UNC79: variants seen among roughly 807,000 people sequenced by gnomAD.
UNC79 encodes protein unc-79 homolog.
Under a neutral mutation model 283.1 loss-of-function variants are expected in UNC79, and 37 were observed. The ratio of observed to expected loss-of-function variants is 0.13; its 90% CI spans 0.10 to 0.17. UNC79 has a LOEUF of 0.17. Among genes scored for constraint, UNC79 ranks in the 10% least tolerant of loss-of-function variants. UNC79 has a pLI of 1.00. For missense variants in UNC79, 2,272 were observed against 3,211.1 expected (o/e 0.71, Z 7.07); for synonymous variants, 1,107 against 1,200.2 (o/e 0.92, Z 1.61).
rs570758518 is a variant in UNC79, at chr14:93,340,410, C to G, written c.-351+6887C>G. ...TGAGCAGAGATTGCGCCACTGCACT[C>G]TAGCCTGGGCGACAGAGCAAAACGC... is the stretch of plus-strand genomic sequence containing the variant. On this transcript the variant is annotated intron_variant, in intron 1 of 49. Transcript: ENST00000256339. 1.0e-3 allele frequency among the ~76,000 whole-genome samples: 140 copies of G among 140,042 alleles called. 2 individuals carry two copies. Among genetic ancestry groups the G allele is most frequent in the Non-Finnish European group, 1.7e-3 (110 of 66,464 alleles). 91.9% of individuals were successfully genotyped at this position (140,042 alleles called of 152,430 possible).
intron 1 of UNC79, among the ~76,000 whole-genome samples, chr14:93,333,863 A>C (rs2053513177): frequency 1.3e-5 from 2 of 152,230 alleles, no homozygotes; most frequent in African/African-American, 4.8e-5. Flanking sequence ...GCTGTTTTAC[A>C]ACCAAGGAGA....
intron 1 of UNC79, among the ~76,000 whole-genome samples, chr14:93,408,879 G>A (rs141599963): frequency 1.3e-5 from 2 of 152,220 alleles, no homozygotes; most frequent in East Asian, 3.9e-4. Context: ...ATTTTAAAAT[G>A]CAATAAAACT....
chr14:93,607,952 G>A (rs2066003216), intron 26 of UNC79, among the ~76,000 whole-genome samples: 1 of 152,194 alleles, frequency 6.6e-6, no homozygotes, highest in South Asian at 2.1e-4. Flanking sequence ...GTAAGTCAGA[G>A]TACAGTTGTT....
chr14:93,604,831 G>A, intron 26 of UNC79, 65 bp from the exon 27 acceptor site: 1 of 1,464,810 alleles, frequency 6.8e-7, no homozygotes, highest in East Asian at 2.5e-5. Context: ...TTAGCACTGA[G>A]TATATTTTCT....
exon 49 of UNC79, chr14:93,706,750 A>C (rs1415802676): frequency 6.2e-7 from 1 of 1,614,236 alleles, no homozygotes; most frequent in South Asian, 1.1e-5. Context: ...ATTCAGAACC[A>C]CGTGAACCAC....
intron 4 of UNC79, among the ~76,000 whole-genome samples, chr14:93,480,882 T>TTA (rs1406267968): frequency 6.6e-6 from 1 of 152,164 alleles, no homozygotes; most frequent in Non-Finnish European, 1.5e-5. Context: ...CCTGAGTACT[T>TTA]GATAAAGTCT....
At chr14:93,363,428 T>C (rs2054264705) in intron 1 of UNC79, among the ~76,000 whole-genome samples, 1 of 152,218 alleles carries the variant, frequency 6.6e-6, no homozygotes, top group African/African-American at 2.4e-5. Context: ...CTGGGAAGAA[T>C]GCATATACTG....
intron 1 of UNC79, among the ~76,000 whole-genome samples, chr14:93,454,746 C>T (rs997830931): frequency 6.6e-6 from 1 of 152,160 alleles, no homozygotes; most frequent in Admixed American, 6.5e-5. Context: ...CAAAGTACCT[C>T]ATTAATCAAT....
intron 39 of UNC79, among the ~76,000 whole-genome samples, chr14:93,662,100 A>G (rs1251751109): frequency 6.6e-6 from 1 of 152,176 alleles, no homozygotes; most frequent in Non-Finnish European, 1.5e-5. Context: ...ACCAAAACAG[A>G]CTATGCCTTC....
rs139538683 is a variant in UNC79, at chr14:93,566,184, T to C, written c.1756-5710T>C. On this transcript the variant is annotated intron_variant, in intron 14 of 48. Transcript: ENST00000555664. ...GCCTCCCGCTTGGGAGAGAAAAATG[T>C]TCCCCATGTCCTGTGGACCTGCATT... Among the ~76,000 whole-genome samples, 1,458 of 152,286 alleles carry C rather than the reference T, an allele frequency of 9.6e-3. 10 individuals carry two copies. The highest frequency in any genetic ancestry group is 0.013 in the South Asian group (61 of 4,824).
In UNC79 at chr14:93,580,394, C is replaced by T. The variant is rs372183695; in HGVS notation, c.2661+18C>T. 12 of 1,609,350 alleles carry T rather than the reference C, an allele frequency of 7.5e-6. No homozygotes were observed. The highest frequency in any genetic ancestry group is 8.5e-6 in the Non-Finnish European group (10 of 1,177,794). On this transcript the variant is annotated intron_variant, in intron 19 of 48. Coordinates refer to ENST00000555664, the Ensembl canonical transcript of UNC79. ...GGCTGGTGGTAAGCAGTTGAAGAAA[C>T]GAGATGACCCATGTATAATAGCATT... is the stretch of plus-strand genomic sequence containing the variant.
At chr14:93,422,359 G>T (rs2055618772) in intron 1 of UNC79, among the ~76,000 whole-genome samples, 1 of 147,336 alleles carries the variant, frequency 6.8e-6, no homozygotes, top group Non-Finnish European at 1.5e-5. Flanking sequence ...GGAGACCAAA[G>T]CTTATCATGC....
At position 93,460,245 on chromosome 14, in the gene UNC79, T is replaced by C. The variant is rs1359967881; in HGVS notation, c.23-7426T>C. Among the ~76,000 whole-genome samples, 57 of 139,520 alleles carry C rather than the reference T, an allele frequency of 4.1e-4. No homozygotes were observed. In the South Asian group the frequency reaches 0.012, roughly 29 times the overall value. 91.5% of individuals were successfully genotyped at this position (139,520 alleles called of 152,430 possible). A position where few individuals can be genotyped will look rare whatever the true frequency, so the allele number is the denominator to read the frequency against. ...AAAAAAAAGGCCGAGTGCAGTGGCT[T>C]ACGCCTGTAATCCCAGCACTTTGGG... is the stretch of plus-strand genomic sequence containing the variant. On this transcript the variant is annotated intron_variant, in intron 1 of 48. Coordinates refer to ENST00000555664, the Ensembl canonical transcript of UNC79.
intron 1 of UNC79, among the ~76,000 whole-genome samples, chr14:93,389,690 C>T (rs2054846361): frequency 2.0e-5 from 3 of 151,398 alleles, no homozygotes; most frequent in Admixed American, 2.0e-4. Flanking sequence ...CTCACTCTGC[C>T]GCCCAAGCTG....
intron 14 of UNC79, among the ~76,000 whole-genome samples, chr14:93,554,435 T>C (rs2062055879): frequency 1.3e-5 from 2 of 152,202 alleles, no homozygotes; most frequent in African/African-American, 2.4e-5. Context: ...AATGAAATTT[T>C]ACCTTTGCAT....
At chr14:93,652,431 A>AT (rs1245134922) in intron 35 of UNC79, among the ~76,000 whole-genome samples, 1 of 151,524 alleles carries the variant, frequency 6.6e-6, no homozygotes. Context: ...AGTTTTTTGT[A>AT]TTTTTTGTAG....
At chr14:93,409,676 A>G (rs1307035970) in intron 1 of UNC79, among the ~76,000 whole-genome samples, 1 of 152,222 alleles carries the variant, frequency 6.6e-6, no homozygotes, top group East Asian at 1.9e-4. Context: ...TGACAGAGCA[A>G]GACCCTGTCT....
chr14:93,597,602 G>T, intron 24 of UNC79, 62 bp downstream of exon 24: 17 of 1,533,878 alleles, frequency 1.1e-5, no homozygotes, highest in Non-Finnish European at 1.5e-5. Flanking sequence ...CTAAATCATT[G>T]CGTTGTTTGT....
At chr14:93,461,972 A>AGAAAG (rs2056976756) in intron 1 of UNC79, among the ~76,000 whole-genome samples, 1 of 145,840 alleles carries the variant, frequency 6.9e-6, no homozygotes, top group Non-Finnish European at 1.5e-5. Flanking sequence ...CAAAAAAAAA[A>AGAAAG]AAAGAAAGAA....
Sources: gnomAD v4.1 joint callset for allele counts (sites outside exome capture counted in the v4.1 genomes callset) on GRCh38, gnomAD v4.1.1 for gene constraint, MANE v1.5 for transcripts, NCBI Gene and HGNC (gene_info 2026-07-23, HGNC 2026-07-21) for gene names.